Variants in RAB3C observed in about 807,000 individuals in gnomAD.
The protein encoded by RAB3C is ras-related protein Rab-3C.
A neutral mutation model predicts 26.4 loss-of-function variants in RAB3C; 17 were observed. The observed-to-expected ratio is 0.64, with a 90% CI of 0.44 to 0.97. The LOEUF (loss-of-function observed/expected upper bound fraction) is 0.97, where lower values mean the gene tolerates loss of function less well. RAB3C is among the 50% of genes least tolerant of loss of function. The pLI, the probability that RAB3C is intolerant of heterozygous loss-of-function variation, is 0.00. For missense variants in RAB3C, 242 were observed against 281.9 expected (o/e 0.86, Z 1.01); for synonymous variants, 91 against 95.9 (o/e 0.95, Z 0.30).
At chr5:58,766,550 A>G (rs1281952987) in intron 3 of RAB3C, among the ~76,000 whole-genome samples, 3 of 152,204 alleles carry the variant, frequency 2.0e-5, no homozygotes, top group African/African-American at 7.2e-5. Context: ...GAAATTTGAG[A>G]AAGAATAATT....
chr5:58,725,457 T>C (rs1394259925), intron 2 of RAB3C, among the ~76,000 whole-genome samples: 3 of 151,928 alleles, frequency 2.0e-5, no homozygotes, highest in Admixed American at 6.6e-5. Context: ...CTACCTCTGA[T>C]TATTTATCTC....
intron 3 of RAB3C, among the ~76,000 whole-genome samples, chr5:58,739,561 G>GA (rs1330484912): frequency 5.9e-5 from 9 of 151,974 alleles, no homozygotes; most frequent in South Asian, 4.2e-4. Flanking sequence ...AAAAAAATTA[G>GA]AAAAAACAGC....
intron 2 of RAB3C, among the ~76,000 whole-genome samples, chr5:58,696,623 T>C (rs1748705956): frequency 6.6e-6 from 1 of 152,222 alleles, no homozygotes; most frequent in African/African-American, 2.4e-5. Context: ...TATTCAGAGA[T>C]TAAACTTCTT....
chr5:58,767,147 C>T (rs1363335), intron 3 of RAB3C, among the ~76,000 whole-genome samples: 119,361 of 152,104 alleles, frequency 0.78, 46,987 homozygotes, highest in African/African-American at 0.82. Flanking sequence ...TAATTTCAGA[C>T]AAAAACTGAG....
intron 2 of RAB3C, among the ~76,000 whole-genome samples, chr5:58,703,328 A>G (rs890114856): frequency 1.3e-5 from 2 of 152,068 alleles, no homozygotes; most frequent in African/African-American, 2.4e-5. Context: ...GATTACAGGC[A>G]TGTGCCACCA....
intron 3 of RAB3C, among the ~76,000 whole-genome samples, chr5:58,749,749 TAA>T (rs1445059974): frequency 4.6e-5 from 7 of 152,212 alleles, no homozygotes; most frequent in African/African-American, 1.7e-4. Flanking sequence ...TTTTGCTGAA[TAA>T]AGTTTTCAGT....
At chr5:58,628,678 C>T (rs34576516) in intron 2 of RAB3C, among the ~76,000 whole-genome samples, 1 of 19,386 alleles carries the variant, frequency 5.2e-5, no homozygotes, top group African/African-American at 7.0e-4. Flanking sequence ...AAACTTAGTC[C>T]CCGGAGCACA....
chr5:58,829,432 G>T (rs1322719217), intron 4 of RAB3C, among the ~76,000 whole-genome samples: 1 of 152,054 alleles, frequency 6.6e-6, no homozygotes, highest in East Asian at 1.9e-4. Context: ...AACAAAGAAA[G>T]AAATTTATAG....
At chr5:58,655,235 T>C (rs956876808) in intron 2 of RAB3C, among the ~76,000 whole-genome samples, 2 of 152,216 alleles carry the variant, frequency 1.3e-5, no homozygotes, top group Non-Finnish European at 2.9e-5. Flanking sequence ...TCAAGTTTTC[T>C]TCCTGTGGCA....
At chr5:58,716,368 A>G (rs1749174078) in intron 2 of RAB3C, among the ~76,000 whole-genome samples, 2 of 151,948 alleles carry the variant, frequency 1.3e-5, no homozygotes. Context: ...AAGCCAAAGT[A>G]AAAAAAACTA....
chr5:58,795,318 G>A (rs1023883090), intron 3 of RAB3C, among the ~76,000 whole-genome samples: 10 of 152,056 alleles, frequency 6.6e-5, no homozygotes, highest in African/African-American at 2.2e-4. Context: ...GTATAAGAAC[G>A]GACTAATATA....
chr5:58,838,119 G>A (rs948005075), intron 4 of RAB3C, among the ~76,000 whole-genome samples: 3 of 152,018 alleles, frequency 2.0e-5, no homozygotes, highest in East Asian at 1.9e-4. Flanking sequence ...GTGGGCTCAC[G>A]CCTGTAATCC....
intron 2 of RAB3C, among the ~76,000 whole-genome samples, chr5:58,654,712 T>A (rs921518767): frequency 3.9e-5 from 6 of 152,252 alleles, no homozygotes; most frequent in Admixed American, 1.3e-4. Flanking sequence ...CTCTCTCCAA[T>A]GTATCCCAAA....
At chr5:58,721,699 A>G (rs1008406222) in intron 2 of RAB3C, among the ~76,000 whole-genome samples, 4 of 151,894 alleles carry the variant, frequency 2.6e-5, no homozygotes, top group Non-Finnish European at 4.4e-5. Context: ...TTCAAAGCCA[A>G]AACAAAGTCA....
intron 2 of RAB3C, among the ~76,000 whole-genome samples, chr5:58,646,871 C>T (rs913401216): frequency 1.3e-5 from 2 of 152,046 alleles, no homozygotes; most frequent in African/African-American, 2.4e-5. Context: ...CCTCAAGCTG[C>T]CCCTTGGCAC....
intron 3 of RAB3C, among the ~76,000 whole-genome samples, chr5:58,734,273 T>C (rs188328853): frequency 6.6e-6 from 1 of 152,280 alleles, no homozygotes; most frequent in East Asian, 1.9e-4. Flanking sequence ...TACTTCATGT[T>C]AAACATGAAA....
rs1008944585 is a variant in RAB3C, at chr5:58,583,108, A to G, written c.-101A>G. 7 of 1,593,206 alleles carry G rather than the reference A, an allele frequency of 4.4e-6. No individual in the cohort carries two copies. The African/African-American group carries it at 8.1e-5, about 18-fold the overall frequency. On this transcript the variant is annotated 5_prime_UTR_variant, in exon 1 of 5. Coordinates refer to ENST00000282878, the MANE Select transcript of RAB3C (RefSeq NM_138453.4). ...TGTTGGAGCCGGTTAGCGAACCCCA[A>G]GAGTGCAGAGTGTGGAGCGTGGAGC... is the stretch of plus-strand genomic sequence containing the variant.
At chr5:58,772,204 A>T (rs1742043027) in intron 3 of RAB3C, among the ~76,000 whole-genome samples, 1 of 152,160 alleles carries the variant, frequency 6.6e-6, no homozygotes, top group African/African-American at 2.4e-5. Context: ...CAGAACCAGG[A>T]GAATTGACTG....
intron 1 of RAB3C, among the ~76,000 whole-genome samples, chr5:58,617,351 T>C (rs1354432245): frequency 3.9e-5 from 6 of 152,182 alleles, no homozygotes; most frequent in Non-Finnish European, 7.4e-5. Flanking sequence ...CTTGTCATGT[T>C]ACCCTTATAG....
Sources: gnomAD v4.1 joint callset for allele counts (sites outside exome capture counted in the v4.1 genomes callset) on GRCh38, gnomAD v4.1.1 for gene constraint, MANE v1.5 for transcripts, NCBI Gene and HGNC (gene_info 2026-07-23, HGNC 2026-07-21) for gene names.